The following WWOX variants were observed in gnomAD, a reference collection of about 807,000 sequenced individuals.
WWOX encodes the protein WW domain containing oxidoreductase, also known as WW domain-containing oxidoreductase.
WWOX carries 69 observed loss-of-function variants against 46.2 expected under a neutral mutation model. The ratio of observed to expected loss-of-function variants is 1.49; its 90% confidence interval spans 1.23 to 1.82. The LOEUF is 1.82. Ranked by LOEUF, WWOX falls within the 40% of genes most tolerant of loss-of-function variation. The pLI, the probability that WWOX is intolerant of heterozygous loss-of-function variation, is 0.00. For missense variants in WWOX, 919 were observed against 542.6 expected, an observed-to-expected ratio of 1.69 and a Z score of -6.89; for synonymous variants, 359 against 202.6, an observed-to-expected ratio of 1.77 and a Z score of -6.56.
intron 8 of WWOX, among the ~76,000 whole-genome samples, chr16:78,441,398 C>T (rs1054561995): frequency 1.3e-5 from 2 of 152,152 alleles, no homozygotes; most frequent in Non-Finnish European, 2.9e-5. Flanking sequence ...TATCATTTAT[C>T]CCTCTGAGGT....
rs1413362530 is a variant in WWOX at position 79,028,978 on chromosome 16, A to G, written c.1057-182630A>G. On this transcript the variant is annotated intron_variant, in intron 8 of 8. Coordinates refer to ENST00000566780, the MANE Select transcript of WWOX (RefSeq NM_016373.4). ...CATATCTAGTACCTATGCTATGTGG[A>G]GAACACTCTCCATGTCTTTGAAAAA... 1.3e-5 allele frequency among the ~76,000 whole-genome samples: 2 copies of G among 151,838 alleles called. 1 individual carries two copies. The highest frequency in any genetic ancestry group is 4.9e-5 in the African/African-American group (2 of 41,096).
chr16:78,434,156 C>G (rs183346166), intron 8 of WWOX, among the ~76,000 whole-genome samples: 3 of 152,238 alleles, frequency 2.0e-5, no homozygotes, highest in Non-Finnish European at 2.9e-5. Flanking sequence ...GTAAGTATAT[C>G]TTTTATTCTA....
intron 8 of WWOX, among the ~76,000 whole-genome samples, chr16:78,664,088 G>A (rs1421465846): frequency 5.9e-5 from 9 of 152,196 alleles, no homozygotes; most frequent in South Asian, 2.1e-4. Context: ...AGGACAATGC[G>A]TAGGAGGCAG....
chr16:78,264,007 T>TTTTTTTTTTTG (rs1275734186), intron 5 of WWOX, among the ~76,000 whole-genome samples: 3 of 138,658 alleles, frequency 2.2e-5, no homozygotes, highest in African/African-American at 8.3e-5. Context: ...TTTTTTTTTT[T>TTTTTTTTTTTG]TTTTTTTTGT....
In WWOX at chr16:78,801,542, G is replaced by A. The variant is rs185296400; in HGVS notation, c.1056+368790G>A. 3.3e-5 allele frequency among the ~76,000 whole-genome samples: 5 copies of A among 152,242 alleles called. No individual in the cohort carries two copies. The East Asian group carries it at 9.7e-4, about 29-fold the overall frequency. On this transcript the variant is annotated intron_variant, in intron 8 of 8. Transcript: ENST00000566780. ...AGAAACCCTTGCTATTTTAGCTTCCGATGAGGATATTTATCCTTCTAGCAT... is the reference window on the plus strand; with the variant it reads ...AGAAACCCTTGCTATTTTAGCTTCCAATGAGGATATTTATCCTTCTAGCAT...
At chr16:78,634,450 G>A (rs935597435) in intron 8 of WWOX, among the ~76,000 whole-genome samples, 8 of 152,300 alleles carry the variant, frequency 5.3e-5, no homozygotes, top group Admixed American at 3.3e-4. Context: ...GCTCATGCCT[G>A]TAATCCCAGC....
At chr16:78,860,508 A>T (rs891253666) in intron 8 of WWOX, among the ~76,000 whole-genome samples, 1 of 152,176 alleles carries the variant, frequency 6.6e-6, no homozygotes, top group Admixed American at 6.5e-5. Context: ...AAAAAGAAGG[A>T]AAAAATGGAC....
chr16:79,052,476 T>C (rs1186037070), intron 8 of WWOX, among the ~76,000 whole-genome samples: 2 of 152,210 alleles, frequency 1.3e-5, no homozygotes, highest in Non-Finnish European at 2.9e-5. Flanking sequence ...TAAAGACACA[T>C]GCACACATAT....
At chr16:78,230,171 TGCCC>T (rs1257958021) in intron 5 of WWOX, among the ~76,000 whole-genome samples, 5 of 4,946 alleles carry the variant, frequency 1.0e-3, no homozygotes, top group African/African-American at 0.013. Context: ...TGAGCTACCG[TGCCC>T]GTGCCCGGCC....
chr16:79,031,262 G>C (rs746166630), intron 8 of WWOX, among the ~76,000 whole-genome samples: 1 of 152,108 alleles, frequency 6.6e-6, no homozygotes, highest in Non-Finnish European at 1.5e-5. Flanking sequence ...CCCACGTGTG[G>C]GGTGCTGAGA....
chr16:78,169,795 G>A (rs2035094418), intron 5 of WWOX, among the ~76,000 whole-genome samples: 1 of 152,136 alleles, frequency 6.6e-6, no homozygotes, highest in East Asian at 1.9e-4. Context: ...CTGGGAGGCA[G>A]GGGCGGTGGA....
intron 8 of WWOX, among the ~76,000 whole-genome samples, chr16:78,572,942 T>C (rs2044755133): frequency 6.6e-6 from 1 of 152,162 alleles, no homozygotes; most frequent in African/African-American, 2.4e-5. Context: ...AGTCTTGTTA[T>C]ATGTGGCACA....
chr16:78,820,796 C>A (rs1301968899), intron 8 of WWOX, among the ~76,000 whole-genome samples: 17 of 152,072 alleles, frequency 1.1e-4, no homozygotes, highest in Admixed American at 1.1e-3. Flanking sequence ...GGGGTTCGTT[C>A]CTTCTGGAAG....
intron 5 of WWOX, among the ~76,000 whole-genome samples, chr16:78,219,566 T>C (rs988683109): frequency 2.0e-5 from 3 of 152,218 alleles, no homozygotes; most frequent in Non-Finnish European, 2.9e-5. Context: ...GCTTGTCTCC[T>C]ATGATTACAT....
At chr16:78,682,173 C>T (rs1239273945) in intron 8 of WWOX, among the ~76,000 whole-genome samples, 1 of 152,152 alleles carries the variant, frequency 6.6e-6, no homozygotes, top group Admixed American at 6.5e-5. Context: ...TTTTTTACAC[C>T]TACAAATCAG....
chr16:79,046,823 G>A (rs1052259039), intron 8 of WWOX, among the ~76,000 whole-genome samples: 8 of 152,148 alleles, frequency 5.3e-5, no homozygotes, highest in African/African-American at 1.9e-4. Flanking sequence ...TACAACAAAT[G>A]TCTCTTTGTG....
At chr16:78,509,940 A>G (rs1335310268) in intron 8 of WWOX, among the ~76,000 whole-genome samples, 1 of 137,018 alleles carries the variant, frequency 7.3e-6, no homozygotes, top group African/African-American at 2.5e-5. Flanking sequence ...AAAAAAAAAA[A>G]AGAAAGAAAA....
At chr16:78,795,836 T>C (rs1195455299) in intron 8 of WWOX, among the ~76,000 whole-genome samples, 3 of 152,166 alleles carry the variant, frequency 2.0e-5, no homozygotes, top group Admixed American at 1.3e-4. Context: ...GTAGAGTGGC[T>C]AGCGTATAGT....
chr16:78,142,631 T>A (rs1479245995), intron 4 of WWOX, among the ~76,000 whole-genome samples: 1 of 152,228 alleles, frequency 6.6e-6, no homozygotes, highest in Non-Finnish European at 1.5e-5. Context: ...TGAATAACTT[T>A]AAATAAATAA....
Sources: allele counts gnomAD v4.1 joint callset (sites outside exome capture counted in the v4.1 genomes callset), GRCh38; gene constraint gnomAD v4.1.1; transcripts MANE v1.5; gene names NCBI Gene and HGNC (gene_info 2026-07-23, HGNC 2026-07-21).